The following TNS3 variants were observed in gnomAD, a reference collection of about 807,000 sequenced individuals.
TNS3 encodes the protein tensin 3, also known as tensin-3.
A neutral mutation model predicts 140.9 loss-of-function variants in TNS3; 45 were observed. That is an observed-to-expected ratio of 0.32 (90% CI 0.25 to 0.41). The LOEUF is 0.41. Among genes scored for constraint, TNS3 ranks in the 10% least tolerant of loss-of-function variants. TNS3 has a pLI of 1.00. For missense variants in TNS3, 1,716 were observed against 1,906.7 expected (o/e 0.90, Z 1.86); for synonymous variants, 815 against 788.4 (o/e 1.03, Z -0.56).
intron 20 of TNS3, among the ~76,000 whole-genome samples, chr7:47,321,527 T>C (rs1200227352): frequency 6.6e-6 from 1 of 152,186 alleles, no homozygotes; most frequent in African/African-American, 2.4e-5. Flanking sequence ...CATGCTATAA[T>C]TGCTCCAATA....
Position 47,369,325 on chromosome 7 carries a change from G to C in TNS3, c.1321C>G (p.Leu441Val), listed in dbSNP as rs758069963. 15 of 1,614,040 alleles carry C rather than the reference G, an allele frequency of 9.3e-6. No homozygotes were observed. The East Asian group carries it at 3.3e-4, about 36-fold the overall frequency. The change falls in exon 17 of 31, where the codon CTC (leucine) becomes GTC (valine). Residue 441 changes from leucine (L) to valine (V), a missense_variant. Physicochemically the swap from Leu to Val is conservative, Grantham distance 32. Coordinates refer to ENST00000311160, the MANE Select transcript of TNS3 (RefSeq NM_022748.12). ...CTTCGAGCATCAGTCATTTCCTTGA[G>C]GGAGCTTCCAGGATCTTCCAGGCCA... Reference protein sequence around the residue: ...GFGLEDPGSSLKEMTDARSKY... With the variant: ...GFGLEDPGSSVKEMTDARSKY...
intron 27 of TNS3, among the ~76,000 whole-genome samples, chr7:47,284,095 T>C (rs1368647277): frequency 1.3e-5 from 2 of 152,036 alleles, no homozygotes; most frequent in Non-Finnish European, 2.9e-5. Context: ...AATAAGCGAG[T>C]TACTAGAGCA....
At chr7:47,327,483 A>C (rs1788089116) in intron 20 of TNS3, among the ~76,000 whole-genome samples, 1 of 152,146 alleles carries the variant, frequency 6.6e-6, no homozygotes, top group African/African-American at 2.4e-5. Context: ...GGGATCCCTC[A>C]AGGGCCCTGG....
rs545931002 is a variant in TNS3, at chr7:47,452,972, T to C, written c.-75-10917A>G. Reference sequence around the variant, plus strand: ...GCAGGGACCACCGGCCAGGGCTGCTTTTCCCTTCCAGAAACAGCTCCTCCT... The same window carrying C: ...GCAGGGACCACCGGCCAGGGCTGCTCTTCCCTTCCAGAAACAGCTCCTCCT... On this transcript the variant is annotated intron_variant, in intron 4 of 30. Coordinates refer to ENST00000311160, the MANE Select transcript of TNS3 (RefSeq NM_022748.12). 137 of 985,472 alleles carry C rather than the reference T, an allele frequency of 1.4e-4. 2 individuals are homozygous for C. In the South Asian group the frequency reaches 4.7e-3, roughly 34 times the overall value. 61.0% of individuals were successfully genotyped at this position (985,472 alleles called of 1,614,324 possible). A position where few individuals can be genotyped will look rare whatever the true frequency, so the allele number is the denominator to read the frequency against.
chr7:47,552,376 G>A (rs898865215), intron 1 of TNS3, among the ~76,000 whole-genome samples: 2 of 152,160 alleles, frequency 1.3e-5, no homozygotes, highest in East Asian at 3.9e-4. Flanking sequence ...GACAGACCTC[G>A]TTTTATTGTG....
intron 1 of TNS3, among the ~76,000 whole-genome samples, chr7:47,554,465 C>T (rs1800145626): frequency 6.6e-6 from 1 of 151,456 alleles, no homozygotes; most frequent in Non-Finnish European, 1.5e-5. Context: ...ATTCAACAGT[C>T]CAGATGCCTT....
Position 47,474,498 on chromosome 7 carries a change from C to A in TNS3, c.-76+6605G>T, listed in dbSNP as rs181927457. 4.7e-5 allele frequency among the ~76,000 whole-genome samples: 7 copies of A among 150,508 alleles called. No homozygotes were observed. In the East Asian group the frequency reaches 1.4e-3, roughly 30 times the overall value. ...CCTCACACAATACACACAACACAGACATGTACACACACACAACACAGGCAT... is the reference window on the plus strand; with the variant it reads ...CCTCACACAATACACACAACACAGAAATGTACACACACACAACACAGGCAT... On this transcript the variant is annotated intron_variant, in intron 4 of 30. Transcript: ENST00000311160.
chr7:47,499,691 C>A (rs1447184161), intron 3 of TNS3, among the ~76,000 whole-genome samples: 1 of 152,192 alleles, frequency 6.6e-6, no homozygotes, highest in Non-Finnish European at 1.5e-5. Flanking sequence ...GTGAAAAGGT[C>A]AGCGGCTGCC....
chr7:47,540,248 A>G (rs908890411), intron 1 of TNS3, among the ~76,000 whole-genome samples: 1 of 152,140 alleles, frequency 6.6e-6, no homozygotes, highest in African/African-American at 2.4e-5. Context: ...GGTTCTTCCC[A>G]GGAACAAAAT....
At chr7:47,377,880 T>C (rs753231243) in intron 16 of TNS3, among the ~76,000 whole-genome samples, 2 of 149,540 alleles carry the variant, frequency 1.3e-5, no homozygotes, top group Non-Finnish European at 3.0e-5. Flanking sequence ...ATAACGATCA[T>C]AGTCCCTTTG....
At chr7:47,400,994 GCCGGCACAGCAGGGC>G in intron 13 of TNS3, 80 bp from the exon 14 acceptor site, 1 of 1,579,352 alleles carries the variant, frequency 6.3e-7, no homozygotes, top group Non-Finnish European at 8.6e-7. Flanking sequence ...CTCCGCGGAG[GCCGGCACAGCAGGGC>G]CTCCCCTCTG....
At chr7:47,376,111 A>G (rs560591420) in intron 16 of TNS3, among the ~76,000 whole-genome samples, 1 of 152,364 alleles carries the variant, frequency 6.6e-6, no homozygotes, top group African/African-American at 2.4e-5. Context: ...AGCACTTGCT[A>G]TGATTGCTAG....
chr7:47,471,761 G>C (rs1033002152), intron 4 of TNS3, among the ~76,000 whole-genome samples: 1 of 152,218 alleles, frequency 6.6e-6, no homozygotes, highest in Non-Finnish European at 1.5e-5. Context: ...TGTCCACTGG[G>C]TACCAGCTCC....
At chr7:47,459,837 C>T (rs185303595) in intron 4 of TNS3, among the ~76,000 whole-genome samples, 14 of 152,230 alleles carry the variant, frequency 9.2e-5, no homozygotes, top group Middle Eastern at 3.4e-3. Context: ...TGCCTGGTAC[C>T]ATCTGTTAAT....
chr7:47,356,923 C>CA (rs35835302), intron 17 of TNS3, among the ~76,000 whole-genome samples: 67,691 of 131,722 alleles, frequency 0.51, 17,507 homozygotes, highest in Middle Eastern at 0.62. Flanking sequence ...CAGAAAAATA[C>CA]AAAAAAAAAA....
intron 4 of TNS3, among the ~76,000 whole-genome samples, chr7:47,465,593 T>C (rs1031011497): frequency 6.6e-6 from 1 of 152,102 alleles, no homozygotes; most frequent in African/African-American, 2.4e-5. Context: ...TAACCCTAGA[T>C]ATCACATCAC....
chr7:47,456,658 G>A (rs1449398982), intron 4 of TNS3, among the ~76,000 whole-genome samples: 1 of 152,182 alleles, frequency 6.6e-6, no homozygotes, highest in Non-Finnish European at 1.5e-5. Context: ...TGAAGCTGAG[G>A]AGGTAAATGA....
intron 4 of TNS3, among the ~76,000 whole-genome samples, chr7:47,459,259 G>A (rs62446329): frequency 0.021 from 3,247 of 152,260 alleles, 36 homozygotes; most frequent in Non-Finnish European, 0.038. Context: ...GTGCTTTGGG[G>A]TCCACATCAC....
At chr7:47,474,597 C>G (rs907405337) in intron 4 of TNS3, among the ~76,000 whole-genome samples, 3 of 143,750 alleles carry the variant, frequency 2.1e-5, no homozygotes, top group African/African-American at 7.8e-5. Context: ...CAAGACACAC[C>G]TCACACACAA....
Sources: gnomAD v4.1 joint callset for allele counts (sites outside exome capture counted in the v4.1 genomes callset) on GRCh38, gnomAD v4.1.1 for gene constraint, MANE v1.5 for transcripts, NCBI Gene and HGNC (gene_info 2026-07-23, HGNC 2026-07-21) for gene names.